The following MINDY2 variants were observed in gnomAD, a reference collection of about 807,000 sequenced individuals.
The protein encoded by MINDY2 is ubiquitin carboxyl-terminal hydrolase MINDY-2.
MINDY2 carries 52 observed loss-of-function variants against 68.2 expected under a neutral mutation model. The observed-to-expected ratio is 0.76, with a 90% CI of 0.61 to 0.96. The LOEUF (loss-of-function observed/expected upper bound fraction) is 0.96, where lower values mean the gene tolerates loss of function less well. Ranked by LOEUF, MINDY2 falls within the 40% of genes least tolerant of loss-of-function variation. The probability of loss-of-function intolerance (pLI) is 0.00; values close to 1 mark genes in which losing one functional copy is unlikely to be tolerated. For synonymous variants in MINDY2, 372 were observed against 303.0 expected, an observed-to-expected ratio of 1.23 and a Z score of -2.36; for missense variants, 881 against 773.4, an observed-to-expected ratio of 1.14 and a Z score of -1.65.
At chr15:58,837,968 CAAAAAAAAAAAAA>C (rs34909401) in intron 6 of MINDY2, among the ~76,000 whole-genome samples, 6 of 75,124 alleles carry the variant, frequency 8.0e-5, no homozygotes, top group Non-Finnish European at 1.7e-4. Context: ...GACCTTCTTT[CAAAAAAAAAAAAA>C]AAAAAAAAAG....
Position 58,821,781 on chromosome 15 carries a change from C to G in MINDY2, c.1187C>G (p.Ser396Cys). The G allele has an allele frequency of 6.3e-7, 1 of 1,591,534 alleles. No homozygotes were observed. The part of the protein sequence containing the change: ...SYNQLVEKII[S>C]CKQSDNSELV... ...AACCAACTAGTGGAGAAGATCATCTCTTGTAAACAGTCAGACAATAGTGAG... is the reference window on the plus strand; with the variant it reads ...AACCAACTAGTGGAGAAGATCATCTGTTGTAAACAGTCAGACAATAGTGAG... Residue 396 changes from serine (S) to cysteine (C), a missense_variant, in exon 5 of 9, where the codon TCT (serine) becomes TGT (cysteine). By Grantham distance (112) the Ser-to-Cys change is moderately radical. Transcript: ENST00000559228.
rs141503750 is a variant in MINDY2, at chr15:58,808,966, C to T, written c.964-1264C>T. Among the ~76,000 whole-genome samples, 8 of 152,328 alleles carry T rather than the reference C, an allele frequency of 5.3e-5. 1 individual carries two copies. In the East Asian group the frequency reaches 1.2e-3, roughly 22 times the overall value. On this transcript the variant is annotated intron_variant, in intron 3 of 8. Transcript: ENST00000559228. ...GTGGCTTATGTCTGTAATCCCAATA[C>T]GTTGAGAGGCTGAGGCGGAGAATCA...
At chr15:58,793,430 G>A (rs765889777) in intron 2 of MINDY2, among the ~76,000 whole-genome samples, 44 of 152,220 alleles carry the variant, frequency 2.9e-4, no homozygotes, top group South Asian at 6.2e-4. Context: ...CAGCCTGGGC[G>A]ACAGTGAGAA....
At chr15:58,847,748 G>A (rs768756578) in intron 7 of MINDY2, among the ~76,000 whole-genome samples, 8 of 152,208 alleles carry the variant, frequency 5.3e-5, no homozygotes, top group African/African-American at 9.6e-5. Flanking sequence ...AAACACAGAA[G>A]TGATGGGATC....
chr15:58,771,384 G>A lies in MINDY2; in HGVS notation c.-12G>A, dbSNP rs776955313. On this transcript the variant is annotated 5_prime_UTR_variant, in exon 1 of 9. Coordinates refer to ENST00000559228, the MANE Select transcript of MINDY2 (RefSeq NM_001040450.3). ...CCGCGGTCTCCATAGAGCTGGGGGC[G>A]GGCGGCCCGGTATGGAGAGCAGCCC... The A allele has an allele frequency of 3.1e-6, 5 of 1,598,508 alleles. No homozygotes were observed. The South Asian group carries it at 5.6e-5, about 18-fold the overall frequency.
chr15:58,834,399 G>A (rs2031895206), intron 6 of MINDY2, among the ~76,000 whole-genome samples: 1 of 152,060 alleles, frequency 6.6e-6, no homozygotes, highest in East Asian at 1.9e-4. Context: ...TAACTCTTTA[G>A]TAAAGCTACT....
At chr15:58,832,652 C>G (rs958614038) in intron 6 of MINDY2, among the ~76,000 whole-genome samples, 2 of 151,894 alleles carry the variant, frequency 1.3e-5, no homozygotes, top group Admixed American at 6.6e-5. Flanking sequence ...CTCAGCCTCC[C>G]GAGTAGCTGG....
At chr15:58,773,163 G>A (rs774556777) in intron 1 of MINDY2, among the ~76,000 whole-genome samples, 6 of 152,096 alleles carry the variant, frequency 3.9e-5, no homozygotes, top group African/African-American at 7.2e-5. Context: ...ACTGGGTGTG[G>A]TGGTGTGCGC....
At chr15:58,773,107 T>G (rs1346246740) in intron 1 of MINDY2, among the ~76,000 whole-genome samples, 1 of 150,284 alleles carries the variant, frequency 6.7e-6, no homozygotes, top group African/African-American at 2.5e-5. Context: ...AAATTGATAA[T>G]TATATCTGTA....
In MINDY2 at chr15:58,837,797, C is replaced by T. The variant is rs144977422; in HGVS notation, c.1368+5881C>T. On this transcript the variant is annotated intron_variant, in intron 6 of 8. Transcript: ENST00000559228. Reference sequence around the variant, plus strand: ...CATGGACAATGAAGTAAGACCTTGTCTGTACAAAAAACTTTAAAAAAATTA... The same window carrying T: ...CATGGACAATGAAGTAAGACCTTGTTTGTACAAAAAACTTTAAAAAAATTA... Among the ~76,000 whole-genome samples, 251 of 151,436 alleles carry T rather than the reference C, an allele frequency of 1.7e-3. 2 individuals carry two copies. Among genetic ancestry groups the T allele is most frequent in the African/African-American group, 5.9e-3 (242 of 41,294 alleles).
chr15:58,820,180 C>G lies in MINDY2; in HGVS notation c.1123-1537C>G, dbSNP rs186432802. Among the ~76,000 whole-genome samples the G allele has an allele frequency of 1.6e-3, 242 of 152,202 alleles. 1 individual carries two copies. Among genetic ancestry groups the G allele is most frequent in the African/African-American group, 5.5e-3 (230 of 41,540 alleles). ...ACTAGGGAGGCTGAGGCAGGAGAGT[C>G]GCTTGAACCCAGGAGGCAGAGGTTG... On this transcript the variant is annotated intron_variant, in intron 4 of 8. Coordinates refer to ENST00000559228, the MANE Select transcript of MINDY2 (RefSeq NM_001040450.3).
chr15:58,824,144 C>G (rs2031244712), intron 5 of MINDY2, among the ~76,000 whole-genome samples: 1 of 152,122 alleles, frequency 6.6e-6, no homozygotes, highest in South Asian at 2.1e-4. Context: ...ATTCTGGCTA[C>G]AAATACAGTA....
chr15:58,814,892 C>G (rs1177496436), intron 4 of MINDY2, among the ~76,000 whole-genome samples: 1 of 151,550 alleles, frequency 6.6e-6, no homozygotes, highest in Non-Finnish European at 1.5e-5. Flanking sequence ...GTCTTCCCAC[C>G]TCAGCCTCTC....
At chr15:58,795,301 CTTTCT>C (rs1331153008) in intron 2 of MINDY2, among the ~76,000 whole-genome samples, 2 of 152,212 alleles carry the variant, frequency 1.3e-5, no homozygotes, top group Non-Finnish European at 2.9e-5. Flanking sequence ...AGTGTTTCAA[CTTTCT>C]TTTCGTTATT....
chr15:58,844,697 A>T (rs2032445335), intron 6 of MINDY2, among the ~76,000 whole-genome samples: 1 of 151,618 alleles, frequency 6.6e-6, no homozygotes, highest in African/African-American at 2.4e-5. Context: ...GCGGTGGATC[A>T]TCTGAGGTCA....
At chr15:58,840,653 TTATTATTA>T (rs1190645418) in intron 6 of MINDY2, among the ~76,000 whole-genome samples, 4 of 146,914 alleles carry the variant, frequency 2.7e-5, no homozygotes, top group Non-Finnish European at 6.0e-5. Flanking sequence ...ATTATTATTA[TTATTATTA>T]TTATTATTAT....
intron 1 of MINDY2, among the ~76,000 whole-genome samples, chr15:58,786,719 T>G (rs1901527596): frequency 6.6e-6 from 1 of 152,206 alleles, no homozygotes; most frequent in African/African-American, 2.4e-5. Context: ...GAACAGAGCA[T>G]TGTCAGCACC....
chr15:58,837,724 G>A (rs1327654398), intron 6 of MINDY2, among the ~76,000 whole-genome samples: 1 of 151,938 alleles, frequency 6.6e-6, no homozygotes, highest in African/African-American at 2.4e-5. Context: ...GCAGTACTTT[G>A]AGAGGCAGAG....
chr15:58,839,593 A>T (rs1388781912), intron 6 of MINDY2, among the ~76,000 whole-genome samples: 1 of 152,068 alleles, frequency 6.6e-6, no homozygotes, highest in Non-Finnish European at 1.5e-5. Context: ...TGGCCTCCCA[A>T]AGTGCTGAGA....
Sources: allele counts gnomAD v4.1 joint callset (sites outside exome capture counted in the v4.1 genomes callset), GRCh38; gene constraint gnomAD v4.1.1; transcripts MANE v1.5; gene names NCBI Gene and HGNC (gene_info 2026-07-23, HGNC 2026-07-21).